The following SIGLEC7 variants were observed in gnomAD, a reference collection of about 807,000 sequenced individuals.
SIGLEC7 encodes sialic acid-binding Ig-like lectin 7.
A neutral mutation model predicts 40.8 loss-of-function variants in SIGLEC7; 33 were observed. The observed-to-expected ratio is 0.81, with a 90% CI of 0.61 to 1.08. The LOEUF (loss-of-function observed/expected upper bound fraction) is 1.08. SIGLEC7 is among the 50% of genes least tolerant of loss of function. The pLI, the probability that SIGLEC7 is intolerant of heterozygous loss-of-function variation, is 0.00. For synonymous variants in SIGLEC7, 242 were observed against 237.6 expected (o/e 1.02, Z -0.17); for missense variants, 513 against 576.1 (o/e 0.89, Z 1.12).
At position 51,145,046 on chromosome 19, in the gene SIGLEC7, C is replaced by G; in HGVS notation, c.760+87C>G. On this transcript the variant is annotated intron_variant, in intron 3 of 6. Coordinates refer to ENST00000317643, the MANE Select transcript of SIGLEC7 (RefSeq NM_014385.4). This position sits in a 1 kb window ranked among gnomAD's most constrained non-coding sequence, Gnocchi z 4.3. ...GGTCCCTCCTCATCCTGGACTCACC[C>G]TGGTGATATGAGACTCCCTTGTAGT... is the stretch of plus-strand genomic sequence containing the variant. 6 of 1,322,370 alleles carry G rather than the reference C, an allele frequency of 4.5e-6. No individual in the cohort carries two copies. The Admixed American group carries it at 1.0e-4, about 22-fold the overall frequency. The allele number at this position is 1,322,370 out of a possible 1,614,324, so 81.9% of individuals were successfully genotyped here. A position where few individuals can be genotyped will look rare whatever the true frequency, so the allele number is the denominator to read the frequency against.
chr19:51,144,930 C>T lies in SIGLEC7; in HGVS notation c.731C>T (p.Thr244Ile). ...GTCCCAGACCCTCCTCAGAACTTGACTGTGACTGTCTTCCAAGGAGAAGGC... is the reference window on the plus strand; with the variant it reads ...GTCCCAGACCCTCCTCAGAACTTGATTGTGACTGTCTTCCAAGGAGAAGGC... ...LNVSYPPQNL[T>I]VTVFQGEGTA... Residue 244 changes from threonine (T) to isoleucine (I), a missense_variant, in exon 3 of 7, where the codon ACT becomes ATT. Coordinates refer to ENST00000317643, the MANE Select transcript of SIGLEC7 (RefSeq NM_014385.4). 6.2e-7 allele frequency: 1 copy of T among 1,614,110 alleles called. No individual in the cohort carries two copies. Among genetic ancestry groups the T allele is most frequent in the Non-Finnish European group, 8.5e-7 (1 of 1,179,980 alleles).
rs774535844 is a variant in SIGLEC7, at chr19:51,153,237, C to A, written c.1396C>A (p.Pro466Thr). 1 of 1,564,158 alleles carries A rather than the reference C, an allele frequency of 6.4e-7. No homozygotes were observed. Among genetic ancestry groups the A allele is most frequent in the Non-Finnish European group, 8.7e-7 (1 of 1,154,130 alleles). Reference sequence around the variant, plus strand: ...CAATGAGTACTCAGAGATCAAGATCCCCAAGTAAGAAAATGCAGAGGCTCG... The same window carrying A: ...CAATGAGTACTCAGAGATCAAGATCACCAAGTAAGAAAATGCAGAGGCTCG... ...TNNEYSEIKI[P>T]K Residue 466 changes from proline (P) to threonine (T), a missense_variant, in exon 7 of 7, where the codon CCC becomes ACC. Physicochemically the swap from Pro to Thr is conservative, Grantham distance 38. Coordinates refer to ENST00000317643, the MANE Select transcript of SIGLEC7 (RefSeq NM_014385.4).
intron 6 of SIGLEC7, among the ~76,000 whole-genome samples, chr19:51,151,259 A>G (rs2092141539): frequency 6.6e-6 from 1 of 152,222 alleles, no homozygotes; most frequent in Non-Finnish European, 1.5e-5. Context: ...AGCAAGAATT[A>G]CTTCCAGATT....
rs769490219 is a variant in SIGLEC7 at position 51,142,449 on chromosome 19, C to T, written c.80C>T (p.Ser27Leu). 33 of 1,614,010 alleles carry T rather than the reference C, an allele frequency of 2.0e-5. 1 individual carries two copies. Among genetic ancestry groups the T allele is most frequent in the South Asian group, 1.8e-4 (16 of 91,080 alleles). Reference sequence around the variant, plus strand: ...CAGAAGAGTAACCGGAAGGATTACTCGCTGACGATGCAGAGTTCCGTGACC... The same window carrying T: ...CAGAAGAGTAACCGGAAGGATTACTTGCTGACGATGCAGAGTTCCGTGACC... Reference protein sequence around the residue: ...EGQKSNRKDYSLTMQSSVTVQ... With the variant: ...EGQKSNRKDYLLTMQSSVTVQ... The change falls in exon 1 of 7, where the codon TCG becomes TTG. Residue 27 changes from serine to leucine, a missense_variant. By Grantham distance (145) the Ser-to-Leu change is moderately radical. Transcript: ENST00000317643. The surrounding 1 kb of genome is among the most constrained non-coding windows in gnomAD (Gnocchi z 5.0).
At position 51,149,156 on chromosome 19, in the gene SIGLEC7, A is replaced by G. The variant is rs143669679; in HGVS notation, c.1221+1839A>G. On this transcript the variant is annotated intron_variant, in intron 6 of 6. Coordinates refer to ENST00000317643, the MANE Select transcript of SIGLEC7 (RefSeq NM_014385.4). ...TTATTTTGCTGTGCAGGAGCTCTTA[A>G]GTTTAATTAGATCCCATTTGTCAAT... 7.9e-5 allele frequency among the ~76,000 whole-genome samples: 12 copies of G among 152,282 alleles called. No individual in the cohort carries two copies. In the East Asian group the frequency reaches 2.3e-3, roughly 29 times the overall value.
chr19:51,142,730 T>C lies in SIGLEC7; in HGVS notation c.361T>C (p.Tyr121His), dbSNP rs2092077541. ...RDARMSDAGR[Y>H]FFRMEKGNIK... ...TGCCAGAATGAGTGATGCGGGGAGA[T>C]ACTTCTTTCGTATGGAGAAAGGAAA... Residue 121 changes from tyrosine to histidine, a missense_variant, in exon 1 of 7, where the codon TAC (tyrosine) becomes CAC (histidine). By Grantham distance (83) the Tyr-to-His change is moderately conservative. Transcript: ENST00000317643. This position sits in a 1 kb window ranked among gnomAD's most constrained non-coding sequence, Gnocchi z 5.0. 3 of 1,613,866 alleles carry C rather than the reference T, an allele frequency of 1.9e-6. No homozygotes were observed. Among genetic ancestry groups the C allele is most frequent in the Admixed American group, 1.7e-5 (1 of 59,986 alleles).
intron 6 of SIGLEC7, among the ~76,000 whole-genome samples, chr19:51,152,544 C>T (rs1489075529): frequency 6.6e-6 from 1 of 152,240 alleles, no homozygotes; most frequent in Non-Finnish European, 1.5e-5. Flanking sequence ...AATTCTCTCT[C>T]ACTTAGCCTC....
chr19:51,147,334 T>C lies in SIGLEC7; in HGVS notation c.1221+17T>C. ...GCCTCTCAGGTGAGTGATATGGGCG[T>C]CTCCACACCCAGCATCCAGCTGGGA... On this transcript the variant is annotated intron_variant, in intron 6 of 6. Coordinates refer to ENST00000317643, the MANE Select transcript of SIGLEC7 (RefSeq NM_014385.4). The C allele has an allele frequency of 6.3e-7, 1 of 1,597,522 alleles. No individual in the cohort carries two copies. The highest frequency in any genetic ancestry group is 8.5e-7 in the Non-Finnish European group (1 of 1,170,222).
rs775588376 is a variant in SIGLEC7, at chr19:51,146,877, G to T, written c.1124+27G>T. On this transcript the variant is annotated intron_variant, in intron 5 of 6. Coordinates refer to ENST00000317643, the MANE Select transcript of SIGLEC7 (RefSeq NM_014385.4). The stretch of plus-strand genomic sequence containing the variant: ...TGAGCACTGACCCTAGGGAGGGAGG[G>T]AGAGTCCTGGGGGAGGGCGGACTGG... 1.1e-5 allele frequency: 17 copies of T among 1,602,266 alleles called. No homozygotes were observed. The South Asian group carries it at 1.8e-4, about 17-fold the overall frequency.
chr19:51,145,741 A>T lies in SIGLEC7; in HGVS notation c.761-114A>T. The T allele has an allele frequency of 2.5e-6, 3 of 1,205,272 alleles. No individual in the cohort carries two copies. In the South Asian group the frequency reaches 4.2e-5, roughly 17 times the overall value. 74.7% of individuals were successfully genotyped at this position (1,205,272 alleles called of 1,614,324 possible). ...CCAACAGTGAGCGGTGAACATAAGT[A>T]TGTCCCTGCACCAGCCTACATCACT... On this transcript the variant is annotated intron_variant, in intron 3 of 6. Coordinates refer to ENST00000317643, the MANE Select transcript of SIGLEC7 (RefSeq NM_014385.4). This position sits in a 1 kb window ranked among gnomAD's most constrained non-coding sequence, Gnocchi z 4.3.
Position 51,142,579 on chromosome 19 carries a change from T to C in SIGLEC7, c.210T>C (p.Asn70=). 1 of 1,613,972 alleles carries C rather than the reference T, an allele frequency of 6.2e-7. No homozygotes were observed. The part of the protein sequence containing the change: ...PVHGYWFRAG[N]DISWKAPVAT... ...ATGGCTACTGGTTCCGGGCAGGGAA[T>C]GATATAAGCTGGAAGGCTCCAGTGG... is the stretch of plus-strand genomic sequence containing the variant. Residue 70 remains asparagine (N), a synonymous_variant, in exon 1 of 7, where the codon AAT becomes AAC. Coordinates refer to ENST00000317643, the MANE Select transcript of SIGLEC7 (RefSeq NM_014385.4). This position sits in a 1 kb window ranked among gnomAD's most constrained non-coding sequence, Gnocchi z 5.0.
At chr19:51,143,907 C>A in intron 1 of SIGLEC7, 1 of 462,374 alleles carries the variant, frequency 2.2e-6, no homozygotes, top group East Asian at 5.8e-5. Flanking sequence ...GTCTCTGTGC[C>A]CTGCAGTGTC....
rs2092111710 is a variant in SIGLEC7, at chr19:51,146,829, CCTT to C, written c.1106_1108del (p.Phe369del). 3 of 1,614,052 alleles carry C rather than the reference CCTT, an allele frequency of 1.9e-6. No homozygotes were observed. Among genetic ancestry groups the C allele is most frequent in the Non-Finnish European group, 2.5e-6 (3 of 1,179,954 alleles). On this transcript the variant is annotated inframe_deletion, in exon 5 of 7. Transcript: ENST00000317643. ...GGAGCCACAGCCCTGGTCTTCCTCT[CCTT>C]CTGTGTCATCTTCATTGTGTGAGCA...
chr19:51,153,441 C>T lies in SIGLEC7; in HGVS notation c.*196C>T. Reference sequence around the variant, plus strand: ...CCATCCAATCGGTCCACACTCCCCGCCCTGGCCTCTGGTACCCACCATTCT... The same window carrying T: ...CCATCCAATCGGTCCACACTCCCCGTCCTGGCCTCTGGTACCCACCATTCT... On this transcript the variant is annotated 3_prime_UTR_variant, in exon 7 of 7. Transcript: ENST00000317643. 1 of 403,382 alleles carries T rather than the reference C, an allele frequency of 2.5e-6. No homozygotes were observed. Among genetic ancestry groups the T allele is most frequent in the East Asian group, 3.8e-5 (1 of 26,262 alleles). 25.0% of individuals were successfully genotyped at this position (403,382 alleles called of 1,614,324 possible). A position where few individuals can be genotyped will look rare whatever the true frequency, so the allele number is the denominator to read the frequency against.
intron 5 of SIGLEC7, 25 bp downstream of exon 5, chr19:51,146,875 G>A: frequency 1.2e-6 from 2 of 1,604,418 alleles, no homozygotes; most frequent in African/African-American, 2.7e-5. Context: ...TAGGGAGGGA[G>A]GGAGAGTCCT....
chr19:51,151,404 G>A (rs184994868), intron 6 of SIGLEC7, among the ~76,000 whole-genome samples: 3 of 152,316 alleles, frequency 2.0e-5, no homozygotes, highest in Admixed American at 6.5e-5. Context: ...GGACAAGAAC[G>A]CGGGGGTTTG....
At chr19:51,149,651 T>A (rs2092131718) in intron 6 of SIGLEC7, among the ~76,000 whole-genome samples, 1 of 152,212 alleles carries the variant, frequency 6.6e-6, no homozygotes, top group South Asian at 2.1e-4. Context: ...TTTGGTTTCA[T>A]ATGAATTTTA....
chr19:51,142,636 G>A lies in SIGLEC7; in HGVS notation c.267G>A (p.Glu89=). The part of the protein sequence containing the change: ...ATNNPAWAVQ[E]ETRDRFHLLG... ...ACAACCCAGCTTGGGCAGTGCAGGAGGAAACTCGGGACCGATTCCACCTCC... is the reference window on the plus strand; with the variant it reads ...ACAACCCAGCTTGGGCAGTGCAGGAAGAAACTCGGGACCGATTCCACCTCC... The change falls in exon 1 of 7, where the codon GAG becomes GAA. Residue 89 remains glutamate (E), a synonymous_variant. Transcript: ENST00000317643. The surrounding 1 kb of genome is among the most constrained non-coding windows in gnomAD (Gnocchi z 5.0). The A allele has an allele frequency of 6.8e-6, 11 of 1,614,178 alleles. No homozygotes were observed. The highest frequency in any genetic ancestry group is 9.3e-6 in the Non-Finnish European group (11 of 1,180,034).
At position 51,144,600 on chromosome 19, in the gene SIGLEC7, C is replaced by A; in HGVS notation, c.628C>A (p.His210Asn). The A allele has an allele frequency of 6.2e-7, 1 of 1,613,972 alleles. No homozygotes were observed. Residue 210 changes from histidine (H) to asparagine (N), a missense_variant, in exon 2 of 7, where the codon CAC becomes AAC. Transcript: ENST00000317643. ...GCTCACCCTCATCCCACAGCCCCAG[C>A]ACCACGGCACCAGCCTCACCTGTCA... ...SVLTLIPQPQ[H>N]HGTSLTCQVT... is the part of the protein sequence containing the mutation.
Sources: allele counts gnomAD v4.1 joint callset (sites outside exome capture counted in the v4.1 genomes callset), GRCh38; gene constraint gnomAD v4.1.1; non-coding constraint Gnocchi (gnomAD v3.1); transcripts MANE v1.5; gene names NCBI Gene and HGNC (gene_info 2026-07-23, HGNC 2026-07-21).